The following RAPGEF6 variants were observed in gnomAD, a reference collection of about 807,000 sequenced individuals.
The protein encoded by RAPGEF6 is Rap guanine nucleotide exchange factor 6.
Under a neutral mutation model 171.4 loss-of-function variants are expected in RAPGEF6, and 56 were observed. The observed-to-expected ratio is 0.33, with a 90% CI of 0.26 to 0.41. RAPGEF6 has a LOEUF of 0.41. Ranked by LOEUF, RAPGEF6 falls within the 10% of genes least tolerant of loss-of-function variation. The probability of loss-of-function intolerance (pLI) is 1.00; values close to 1 mark genes in which losing one functional copy is unlikely to be tolerated. For synonymous variants in RAPGEF6, 692 were observed against 650.1 expected, an observed-to-expected ratio of 1.06 and a Z score of -0.98; for missense variants, 1,674 against 1,921.4, an observed-to-expected ratio of 0.87 and a Z score of 2.41.
chr5:131,635,223 C>A lies in RAPGEF6; in HGVS notation c.-193G>T, dbSNP rs982290833. The A allele has an allele frequency of 1.2e-5, 7 of 567,616 alleles. No homozygotes were observed. Among genetic ancestry groups the A allele is most frequent in the Non-Finnish European group, 2.1e-5 (7 of 327,510 alleles). 35.2% of individuals were successfully genotyped at this position (567,616 alleles called of 1,614,324 possible). On this transcript the variant is annotated 5_prime_UTR_variant, in exon 1 of 28. Coordinates refer to ENST00000509018, the MANE Select transcript of RAPGEF6 (RefSeq NM_016340.6). ...CTACCCACGCGCGACTGGCCGGAGA[C>A]AAGTCTGCGCGGGGGCGGGGGAGAG... is the stretch of plus-strand genomic sequence containing the variant.
intron 6 of RAPGEF6, among the ~76,000 whole-genome samples, chr5:131,544,113 G>A (rs1247172176): frequency 6.6e-6 from 1 of 152,118 alleles, no homozygotes; most frequent in African/African-American, 2.4e-5. Flanking sequence ...TATGTAAAAT[G>A]CAACAGCCAC....
intron 15 of RAPGEF6, among the ~76,000 whole-genome samples, chr5:131,487,501 T>A (rs140825513): frequency 0.018 from 2,804 of 152,260 alleles, 86 homozygotes; most frequent in African/African-American, 0.064. Context: ...ATCCTTTAGC[T>A]AGACACAGAG....
chr5:131,428,847 A>G (rs1751525269), intron 27 of RAPGEF6, 55 bp downstream of exon 27: 2 of 1,488,676 alleles, frequency 1.3e-6, no homozygotes. Flanking sequence ...AGTAAAGACC[A>G]TTTAATGTGT....
chr5:131,490,435 T>A (rs1756205376), intron 14 of RAPGEF6, among the ~76,000 whole-genome samples: 1 of 152,010 alleles, frequency 6.6e-6, no homozygotes. Context: ...CACTAAAATG[T>A]CTCATCTAGT....
chr5:131,557,413 G>A (rs990861609), intron 5 of RAPGEF6, among the ~76,000 whole-genome samples: 4 of 152,148 alleles, frequency 2.6e-5, no homozygotes, highest in Non-Finnish European at 5.9e-5. Context: ...TGATTTTTAT[G>A]TATGAACGAG....
chr5:131,625,206 G>A (rs1475265785), intron 1 of RAPGEF6, among the ~76,000 whole-genome samples: 1 of 152,054 alleles, frequency 6.6e-6, no homozygotes, highest in Non-Finnish European at 1.5e-5. Flanking sequence ...AGGTTGCGGT[G>A]AGCTGAGATT....
rs948012887 is a variant in RAPGEF6 at position 131,624,036 on chromosome 5, T to C, written c.69+10926A>G. Among the ~76,000 whole-genome samples, 10 of 152,320 alleles carry C rather than the reference T, an allele frequency of 6.6e-5. No individual in the cohort carries two copies. The South Asian group carries it at 2.1e-3, about 32-fold the overall frequency. On this transcript the variant is annotated intron_variant, in intron 1 of 27. Coordinates refer to ENST00000509018, the MANE Select transcript of RAPGEF6 (RefSeq NM_016340.6). ...GATGCACAATTCTGCAAATGAGCAC[T>C]AGAGCTTTCAGTGAAGAATCAGAAT...
intron 4 of RAPGEF6, among the ~76,000 whole-genome samples, chr5:131,578,883 T>C (rs1762758429): frequency 6.6e-6 from 1 of 152,174 alleles, no homozygotes; most frequent in African/African-American, 2.4e-5. Context: ...CTCATCTGAC[T>C]CTCTGCCCAG....
chr5:131,493,463 C>G (rs1756430388), intron 13 of RAPGEF6, among the ~76,000 whole-genome samples: 1 of 152,166 alleles, frequency 6.6e-6, no homozygotes, highest in Non-Finnish European at 1.5e-5. Flanking sequence ...AACCTTTATT[C>G]AAAACCTTGA....
intron 4 of RAPGEF6, among the ~76,000 whole-genome samples, chr5:131,583,098 T>C (rs1763060387): frequency 1.3e-5 from 2 of 152,200 alleles, no homozygotes; most frequent in East Asian, 1.9e-4. Context: ...AACTCAAATG[T>C]CCATCAGCAG....
At chr5:131,504,815 A>G in intron 10 of RAPGEF6, 37 bp from the exon 11 acceptor site, 2 of 1,571,196 alleles carry the variant, frequency 1.3e-6, no homozygotes, top group Non-Finnish European at 1.7e-6. Flanking sequence ...TAATGAACCT[A>G]TAGTACATAA....
At chr5:131,513,539 TG>T (rs1757877473) in intron 7 of RAPGEF6, among the ~76,000 whole-genome samples, 1 of 152,182 alleles carries the variant, frequency 6.6e-6, no homozygotes, top group African/African-American at 2.4e-5. Flanking sequence ...TTTAGTTATA[TG>T]GACAGTAGAG....
chr5:131,587,568 T>A (rs1763326201), intron 4 of RAPGEF6, among the ~76,000 whole-genome samples: 1 of 152,144 alleles, frequency 6.6e-6, no homozygotes, highest in Non-Finnish European at 1.5e-5. Context: ...TATTTCTCAA[T>A]AAAAGAGCTA....
At chr5:131,505,622 G>A (rs1757326028) in intron 9 of RAPGEF6, 100 bp from the exon 10 acceptor site, 2 of 1,043,428 alleles carry the variant, frequency 1.9e-6, no homozygotes, top group African/African-American at 1.6e-5. Flanking sequence ...TGAATAAAAA[G>A]GAAAAAGGAG....
intron 6 of RAPGEF6, among the ~76,000 whole-genome samples, chr5:131,533,207 CACACA>C (rs1561542230): frequency 6.6e-6 from 1 of 151,378 alleles, no homozygotes; most frequent in African/African-American, 2.4e-5. Context: ...CACACACACA[CACACA>C]CCCCATCCTC....
At chr5:131,438,722 A>C (rs1396233243) in intron 24 of RAPGEF6, among the ~76,000 whole-genome samples, 1 of 152,210 alleles carries the variant, frequency 6.6e-6, no homozygotes, top group Non-Finnish European at 1.5e-5. Flanking sequence ...GAAATGCTCC[A>C]GTCTGAATTA....
intron 4 of RAPGEF6, among the ~76,000 whole-genome samples, chr5:131,562,320 ACTGT>A (rs1761655170): frequency 6.6e-6 from 1 of 152,156 alleles, no homozygotes; most frequent in Non-Finnish European, 1.5e-5. Flanking sequence ...ATAAAAGATA[ACTGT>A]CTAATCTCAA....
In RAPGEF6 at chr5:131,424,347, T is replaced by C. The variant is rs73253092; in HGVS notation, c.*2919A>G. ...AATTTGAACATGTACTGTGACACTT[T>C]TGACACTTTTCTGAAGATTTATCCC... is the stretch of plus-strand genomic sequence containing the variant. On this transcript the variant is annotated 3_prime_UTR_variant, in exon 28 of 28. Coordinates refer to ENST00000509018, the MANE Select transcript of RAPGEF6 (RefSeq NM_016340.6). 6.5e-4 allele frequency: 99 copies of C among 152,518 alleles called. No homozygotes were observed. The highest frequency in any genetic ancestry group is 2.3e-3 in the African/African-American group (97 of 41,592). 9.4% of individuals were successfully genotyped at this position (152,518 alleles called of 1,614,324 possible).
rs762934702 is a variant in RAPGEF6, at chr5:131,521,359, A to AAGGTAT, written c.627+30_627+31insATACCT. On this transcript the variant is annotated intron_variant, in intron 7 of 27. Coordinates refer to ENST00000509018, the MANE Select transcript of RAPGEF6 (RefSeq NM_016340.6). ...AATATCTGGCAAATAAAAAAACCAT[A>AAGGTAT]TACGCAGCATACAAATTCCTAAGGT... 21 of 1,560,368 alleles carry AAGGTAT rather than the reference A, an allele frequency of 1.3e-5. No homozygotes were observed. In the Admixed American group the frequency reaches 4.1e-4, roughly 31 times the overall value.
Sources: allele counts gnomAD v4.1 joint callset (sites outside exome capture counted in the v4.1 genomes callset), GRCh38; gene constraint gnomAD v4.1.1; transcripts MANE v1.5; gene names NCBI Gene and HGNC (gene_info 2026-07-23, HGNC 2026-07-21).